The following CD2 variants were observed in gnomAD, a reference collection of about 807,000 sequenced individuals.
CD2 encodes CD2 molecule.
Under a neutral mutation model 23.2 loss-of-function variants are expected in CD2, and 18 were observed. The ratio of observed to expected loss-of-function variants is 0.77; its 90% CI spans 0.54 to 1.15. The LOEUF is 1.15. CD2 is among the 50% of genes most tolerant of loss of function. The pLI is 0.00. For synonymous variants in CD2, 162 were observed against 151.9 expected (o/e 1.07, Z -0.49); for missense variants, 424 against 423.1 (o/e 1.00, Z -0.02).
intron 4 of CD2, among the ~76,000 whole-genome samples, chr1:116,767,076 G>A (rs748832125): frequency 1.3e-5 from 2 of 152,252 alleles, no homozygotes; most frequent in South Asian, 4.1e-4. Flanking sequence ...GATGTGTTTT[G>A]TCCTTTCTGG....
rs755015978 is a variant in CD2 at position 116,764,707 on chromosome 1, T to A, written c.736+101T>A. ...GAATCTGCAGAGAAAATGATGGAAA[T>A]AGGTAGTTTCGGAATGTCAGGGTTG... On this transcript the variant is annotated intron_variant, in intron 4 of 4. Transcript: ENST00000369478. 10 of 886,742 alleles carry A rather than the reference T, an allele frequency of 1.1e-5. No homozygotes were observed. The South Asian group carries it at 1.4e-4, about 13-fold the overall frequency. The allele number at this position is 886,742 out of a possible 1,614,324, so 54.9% of individuals were successfully genotyped here.
chr1:116,766,787 C>T (rs746777162), intron 4 of CD2, among the ~76,000 whole-genome samples: 4 of 151,778 alleles, frequency 2.6e-5, no homozygotes, highest in East Asian at 1.9e-4. Flanking sequence ...CATTTCAGCC[C>T]GGGAGATCAA....
In CD2 at chr1:116,754,498, C is replaced by A. The variant is rs753429490; in HGVS notation, c.6C>A (p.Ser2Arg). The part of the protein sequence containing the change: M[S>R]FPCKFVASFL... ...AGAGGAAACCAACCCCTAAGATGAG[C>A]TTTCCATGTAAATTTGTAGCCAGCT... Residue 2 changes from serine (S) to arginine (R), a missense_variant, in exon 1 of 5, where the codon AGC becomes AGA. Ser to Arg is a moderately radical substitution (Grantham distance 110). Transcript: ENST00000369478. The A allele has an allele frequency of 4.3e-6, 7 of 1,613,988 alleles. No individual in the cohort carries two copies. Among genetic ancestry groups the A allele is most frequent in the Non-Finnish European group, 5.9e-6 (7 of 1,179,974 alleles).
intron 2 of CD2, among the ~76,000 whole-genome samples, chr1:116,755,380 T>C (rs1341537563): frequency 6.6e-6 from 1 of 152,200 alleles, no homozygotes; most frequent in Non-Finnish European, 1.5e-5. Context: ...CAGGCTGCCC[T>C]GAAGGAGGAG....
intron 3 of CD2, 77 bp downstream of exon 3, chr1:116,760,709 G>C (rs1652023035): frequency 8.8e-7 from 1 of 1,135,002 alleles, no homozygotes; most frequent in South Asian, 1.3e-5. Context: ...CCAGGTCACA[G>C]GTGCTCATGC....
At chr1:116,767,833 C>T (rs545542509) in intron 4 of CD2, among the ~76,000 whole-genome samples, 42 of 152,178 alleles carry the variant, frequency 2.8e-4, no homozygotes, top group African/African-American at 9.9e-4. Flanking sequence ...TGTAGGCCTG[C>T]TTTCATGGAC....
At position 116,764,540 on chromosome 1, in the gene CD2, A is replaced by T. The variant is rs1197870788; in HGVS notation, c.670A>T (p.Met224Leu). 6.2e-7 allele frequency: 1 copy of T among 1,613,982 alleles called. No homozygotes were observed. Among genetic ancestry groups the T allele is most frequent in the East Asian group, 2.2e-5 (1 of 44,870 alleles). Residue 224 changes from methionine (M) to leucine (L), a missense_variant, in exon 4 of 5, where the codon ATG becomes TTG. Met to Leu is a conservative substitution (Grantham distance 15). Transcript: ENST00000369478. Reference sequence around the variant, plus strand: ...CATATGTGGAGGAGGCAGCCTCTTGATGGTCTTTGTGGCACTGCTCGTTTT... The same window carrying T: ...CATATGTGGAGGAGGCAGCCTCTTGTTGGTCTTTGTGGCACTGCTCGTTTT... ...IGICGGGSLL[M>L]VFVALLVFYI... is the part of the protein sequence containing the mutation.
intron 3 of CD2, among the ~76,000 whole-genome samples, chr1:116,763,384 A>G (rs1272581673): frequency 6.6e-6 from 1 of 152,080 alleles, no homozygotes; most frequent in African/African-American, 2.4e-5. Flanking sequence ...TTCTTTTGTG[A>G]TGCTGGGCCA....
chr1:116,762,468 G>A (rs1652085253), intron 3 of CD2, among the ~76,000 whole-genome samples: 1 of 152,158 alleles, frequency 6.6e-6, no homozygotes, highest in African/African-American at 2.4e-5. Flanking sequence ...AGGGAGATGG[G>A]AAGAATACCT....
intron 4 of CD2, among the ~76,000 whole-genome samples, chr1:116,768,179 C>T (rs181646006): frequency 6.0e-4 from 92 of 152,272 alleles, no homozygotes; most frequent in African/African-American, 2.1e-3. Context: ...TCCAGGTCTG[C>T]GTGCTCTCTC....
At chr1:116,755,038 C>T in intron 2 of CD2, 87 bp downstream of exon 2, 1 of 894,810 alleles carries the variant, frequency 1.1e-6, no homozygotes, top group Non-Finnish European at 1.7e-6. Context: ...TTCCCCAGCG[C>T]TGACCTCTGC....
At position 116,760,552 on chromosome 1, in the gene CD2, C is replaced by T. The variant is rs1386331716; in HGVS notation, c.533C>T (p.Thr178Ile). 5.0e-6 allele frequency: 8 copies of T among 1,614,192 alleles called. No individual in the cohort carries two copies. The highest frequency in any genetic ancestry group is 6.8e-6 in the Non-Finnish European group (8 of 1,180,042). Residue 178 changes from threonine to isoleucine, a missense_variant, in exon 3 of 5, where the codon ACC becomes ATC. Transcript: ENST00000369478. ...AGGGTCATCACACACAAGTGGACCA[C>T]CAGCCTGAGTGCAAAATTCAAGTGC... ...SQRVITHKWT[T>I]SLSAKFKCTA...
intron 4 of CD2, among the ~76,000 whole-genome samples, chr1:116,768,089 T>C (rs987783272): frequency 2.0e-5 from 3 of 152,180 alleles, no homozygotes; most frequent in Admixed American, 1.3e-4. Flanking sequence ...CCATGACTGC[T>C]CATAACCCCT....
intron 3 of CD2, among the ~76,000 whole-genome samples, chr1:116,761,248 C>T (rs1652042429): frequency 6.6e-6 from 1 of 152,166 alleles, no homozygotes; most frequent in Non-Finnish European, 1.5e-5. Flanking sequence ...GATGTGACCT[C>T]CAGAAGTATT....
chr1:116,768,585 T>C lies in CD2; in HGVS notation c.858T>C (p.Pro286=). ...CTTCCCAACATCCTCCTCCACCACC[T>C]GGTCATCGTTCCCAGGCACCTAGTC... ...PATSQHPPPP[P]GHRSQAPSHR... The change falls in exon 5 of 5, where the codon CCT becomes CCC. Residue 286 remains proline (P), a synonymous_variant. Transcript: ENST00000369478. The C allele has an allele frequency of 1.2e-6, 2 of 1,614,064 alleles. No individual in the cohort carries two copies. Among genetic ancestry groups the C allele is most frequent in the South Asian group, 2.2e-5 (2 of 91,072 alleles).
chr1:116,760,126 A>G (rs1436335943), intron 2 of CD2, among the ~76,000 whole-genome samples: 4 of 152,264 alleles, frequency 2.6e-5, no homozygotes, highest in Non-Finnish European at 5.9e-5. Context: ...GTGATGTCAT[A>G]TATGTGAAAG....
intron 4 of CD2, among the ~76,000 whole-genome samples, chr1:116,767,330 A>G (rs1652245136): frequency 6.6e-6 from 1 of 152,108 alleles, no homozygotes; most frequent in South Asian, 2.1e-4. Flanking sequence ...GCGGTGGCTC[A>G]TACCTGTAAT....
At chr1:116,759,158 G>A (rs181495609) in intron 2 of CD2, among the ~76,000 whole-genome samples, 354 of 152,318 alleles carry the variant, frequency 2.3e-3, no homozygotes, top group African/African-American at 8.0e-3. Context: ...TACTAACTCT[G>A]TTGCTGAATG....
chr1:116,768,035 C>T (rs1028758576), intron 4 of CD2, among the ~76,000 whole-genome samples: 3 of 152,204 alleles, frequency 2.0e-5, no homozygotes, highest in African/African-American at 7.2e-5. Flanking sequence ...AAAGGCAGAT[C>T]TAACATAGAA....
Sources: allele counts gnomAD v4.1 joint callset (sites outside exome capture counted in the v4.1 genomes callset), GRCh38; gene constraint gnomAD v4.1.1; transcripts MANE v1.5; gene names NCBI Gene and HGNC (gene_info 2026-07-23, HGNC 2026-07-21).